SEMA4D: variants seen among roughly 807,000 people sequenced by gnomAD.
SEMA4D encodes semaphorin 4D, also known as semaphorin-4D.
A neutral mutation model predicts 74.8 loss-of-function variants in SEMA4D; 22 were observed. The ratio of observed to expected loss-of-function variants is 0.29; its 90% CI spans 0.21 to 0.42. The LOEUF is 0.42. SEMA4D is among the 10% of genes least tolerant of loss of function. The pLI is 1.00. For missense variants in SEMA4D, 937 were observed against 1,118.4 expected (o/e 0.84, Z 2.31); for synonymous variants, 445 against 463.7 (o/e 0.96, Z 0.52).
At chr9:89,405,920 A>C in intron 2 of SEMA4D, 1 of 1,184,636 alleles carries the variant, frequency 8.4e-7, no homozygotes, top group African/African-American at 1.6e-5. Context: ...CCGCTCCTCC[A>C]GCTACCAGCC....
intron 4 of SEMA4D, among the ~76,000 whole-genome samples, chr9:89,399,796 C>T: frequency 6.6e-6 from 1 of 151,778 alleles, no homozygotes; most frequent in African/African-American, 2.4e-5. Flanking sequence ...TCAGGAGTTC[C>T]AGACCAGCCT....
intron 1 of SEMA4D, among the ~76,000 whole-genome samples, chr9:89,478,767 C>T (rs1293589993): frequency 2.7e-5 from 3 of 112,230 alleles, no homozygotes; most frequent in African/African-American, 1.0e-4. Context: ...TCATCCTCCA[C>T]CCCACCCCAC....
In SEMA4D at chr9:89,372,057, G is replaced by GGT. The variant is rs150591430; in HGVS notation, c.1882+4774_1882+4775dup. 1.4e-3 allele frequency among the ~76,000 whole-genome samples: 99 copies of GGT among 70,068 alleles called. 11 individuals are homozygous for GGT. Among genetic ancestry groups the GGT allele is most frequent in the Middle Eastern group, 9.8e-3 (1 of 102 alleles). 46.0% of individuals were successfully genotyped at this position (70,068 alleles called of 152,430 possible). ...GTGTTGGGGTGTGTGTGTCGGGTGTGGTGTGTTGGGGGCGTGGTGTGTGTC... is the reference window on the plus strand; with the variant it reads ...GTGTTGGGGTGTGTGTGTCGGGTGTGGTGTGTGTTGGGGGCGTGGTGTGTGTC... On this transcript the variant is annotated intron_variant, in intron 16 of 18. Coordinates refer to the SEMA4D transcript ENST00000339861.
chr9:89,387,530 C>G lies in SEMA4D; in HGVS notation c.1186G>C (p.Asp396His). The change falls in exon 12 of 16, where the codon GAC becomes CAC. Residue 396 changes from aspartate to histidine, a missense_variant. Transcript: ENST00000422704. Reference protein sequence around the residue: ...LPDKTLQFVKDHPLMDDSVTP... With the variant: ...LPDKTLQFVKHHPLMDDSVTP... ...ACCGAGTCATCCATCAAAGGGTGGT[C>G]TTTAACGAACTGCAGCGTCTTGTCT... 1 of 1,614,226 alleles carries G rather than the reference C, an allele frequency of 6.2e-7. No homozygotes were observed. The highest frequency in any genetic ancestry group is 1.7e-5 in the Admixed American group (1 of 60,030).
In SEMA4D at chr9:89,461,700, C is replaced by CTTTTTTTTTTTTTTT. The variant is rs61696689; in HGVS notation, c.-309-5762_-309-5748dup. On this transcript the variant is annotated intron_variant, in intron 1 of 15. Transcript: ENST00000422704. ...GGGCCAATGTGTATTTCTTTTTTCT[C>CTTTTTTTTTTTTTTT]TTTTTTTTTTTTTTTTTTTGGAGAC... Among the ~76,000 whole-genome samples the CTTTTTTTTTTTTTTT allele has an allele frequency of 1.1e-3, 109 of 103,638 alleles. 1 individual carries two copies. The highest frequency in any genetic ancestry group is 3.4e-3 in the African/African-American group (98 of 28,828). 68.0% of individuals were successfully genotyped at this position (103,638 alleles called of 152,430 possible). A position where few individuals can be genotyped will look rare whatever the true frequency, so the allele number is the denominator to read the frequency against.
intron 2 of SEMA4D, among the ~76,000 whole-genome samples, chr9:89,410,912 C>A (rs1844393530): frequency 6.6e-6 from 1 of 152,212 alleles, no homozygotes; most frequent in African/African-American, 2.4e-5. Flanking sequence ...CCCATCTAGT[C>A]AAATTATCAA....
At chr9:89,477,810 TAGTC>T (rs754227375) in intron 1 of SEMA4D, among the ~76,000 whole-genome samples, 3 of 152,226 alleles carry the variant, frequency 2.0e-5, no homozygotes, top group Non-Finnish European at 2.9e-5. Flanking sequence ...ATGGAAAAGT[TAGTC>T]AGCACATCTT....
At chr9:89,384,774 T>C in intron 13 of SEMA4D, 2 of 985,338 alleles carry the variant, frequency 2.0e-6, no homozygotes, top group South Asian at 9.4e-5. Flanking sequence ...CGTTTCTCCA[T>C]TTGCTGATCA....
intron 6 of SEMA4D, among the ~76,000 whole-genome samples, chr9:89,394,116 C>T (rs1470542809): frequency 6.6e-6 from 1 of 152,194 alleles, no homozygotes; most frequent in African/African-American, 2.4e-5. Context: ...CTCTACGTCG[C>T]TCCACCCACC....
chr9:89,460,095 G>C (rs113429879), intron 1 of SEMA4D, among the ~76,000 whole-genome samples: 5,973 of 152,242 alleles, frequency 0.039, 180 homozygotes, highest in South Asian at 0.13. Context: ...TGTGCCTCTT[G>C]ATGGCCAGTG....
intron 2 of SEMA4D, among the ~76,000 whole-genome samples, chr9:89,432,041 C>T (rs1237443847): frequency 6.6e-6 from 1 of 151,560 alleles, no homozygotes; most frequent in African/African-American, 2.4e-5. Flanking sequence ...ACCAGTCCAT[C>T]TGTTCCCCCA....
chr9:89,405,697 A>T lies in SEMA4D; in HGVS notation c.-241T>A. The T allele has an allele frequency of 7.1e-7, 1 of 1,404,128 alleles. No homozygotes were observed. Among genetic ancestry groups the T allele is most frequent in the Non-Finnish European group, 9.2e-7 (1 of 1,082,722 alleles). The allele number at this position is 1,404,128 out of a possible 1,614,324, so 87.0% of individuals were successfully genotyped here. ...ATACTTCTTCAGGGCCTCAGAAGAA[A>T]TGCTGGAAGGACATGAGAAAGAAAA... is the stretch of plus-strand genomic sequence containing the variant. On this transcript the variant is annotated splice_region_variant and 5_prime_UTR_variant, in exon 3 of 16. Coordinates refer to ENST00000422704, the MANE Select transcript of SEMA4D (RefSeq NM_001371194.2).
chr9:89,466,415 G>A (rs1010369414), intron 1 of SEMA4D, among the ~76,000 whole-genome samples: 10 of 152,014 alleles, frequency 6.6e-5, no homozygotes, highest in Non-Finnish European at 1.5e-4. Context: ...TTTCCCTTCC[G>A]GCTTTCCCCA....
At chr9:89,438,974 T>G (rs1046563060) in intron 2 of SEMA4D, among the ~76,000 whole-genome samples, 6 of 90,220 alleles carry the variant, frequency 6.7e-5, no homozygotes, top group African/African-American at 2.5e-4. Context: ...CTTTTTTTTT[T>G]TTTTTTTTTT....
chr9:89,404,738 CCATTCT>C, intron 3 of SEMA4D, among the ~76,000 whole-genome samples: 1 of 149,326 alleles, frequency 6.7e-6, no homozygotes, highest in Non-Finnish European at 1.5e-5. Context: ...GGTCCCTGTC[CCATTCT>C]CAGCCACCCA....
intron 2 of SEMA4D, among the ~76,000 whole-genome samples, chr9:89,441,984 T>C (rs953027519): frequency 6.6e-6 from 1 of 152,216 alleles, no homozygotes; most frequent in African/African-American, 2.4e-5. Context: ...CTCTTCCCCA[T>C]TGGACTGTAA....
chr9:89,441,078 C>T (rs538970303), intron 2 of SEMA4D, among the ~76,000 whole-genome samples: 225 of 152,364 alleles, frequency 1.5e-3, no homozygotes, highest in African/African-American at 4.9e-3. Context: ...AAGCTGCTCC[C>T]TCAGCAAACC....
At chr9:89,463,486 T>C (rs748819368) in intron 1 of SEMA4D, among the ~76,000 whole-genome samples, 23 of 152,202 alleles carry the variant, frequency 1.5e-4, no homozygotes, top group African/African-American at 7.2e-5. Context: ...CATGATCAAG[T>C]CCCAGACTTG....
At chr9:89,384,593 A>T in intron 13 of SEMA4D, 1 of 901,266 alleles carries the variant, frequency 1.1e-6, no homozygotes, top group Non-Finnish European at 1.3e-6. Flanking sequence ...GAATGTTCTT[A>T]ATGCCACTGA....
Sources: gnomAD v4.1 joint callset for allele counts (sites outside exome capture counted in the v4.1 genomes callset) on GRCh38, gnomAD v4.1.1 for gene constraint, MANE v1.5 for transcripts, NCBI Gene and HGNC (gene_info 2026-07-23, HGNC 2026-07-21) for gene names.